Variants in ZNF622 observed in about 807,000 individuals in gnomAD.
ZNF622 encodes cytoplasmic 60S subunit biogenesis factor ZNF622.
Under a neutral mutation model 49.7 loss-of-function variants are expected in ZNF622, and 34 were observed. The ratio of observed to expected loss-of-function variants is 0.68; its 90% CI spans 0.52 to 0.91. The LOEUF (loss-of-function observed/expected upper bound fraction) is 0.91, where lower values mean the gene tolerates loss of function less well. ZNF622 is among the 40% of genes least tolerant of loss of function. The probability of loss-of-function intolerance (pLI) is 0.00; values close to 1 mark genes in which losing one functional copy is unlikely to be tolerated. For missense variants in ZNF622, 569 were observed against 616.4 expected (o/e 0.92, Z 0.81); for synonymous variants, 209 against 228.7 (o/e 0.91, Z 0.78).
rs761889320 is a variant in ZNF622, at chr5:16,463,101, T to C, written c.1049+7A>G. 16 of 1,597,938 alleles carry C rather than the reference T, an allele frequency of 1.0e-5. No individual in the cohort carries two copies. Among genetic ancestry groups the C allele is most frequent in the Middle Eastern group, 1.7e-4 (1 of 5,994 alleles). ...TCACTTTACTTCATATTACAAACTA[T>C]GCTTACCTAAAATCATAGAAGTCTG... On this transcript the variant is annotated splice_region_variant and intron_variant, in intron 3 of 5. Transcript: ENST00000308683. This position sits in a 1 kb window ranked among gnomAD's most constrained non-coding sequence, Gnocchi z 4.2.
chr5:16,458,687 CAT>C, intron 3 of ZNF622, 58 bp from the exon 4 acceptor site: 5 of 1,287,004 alleles, frequency 3.9e-6, no homozygotes, highest in Non-Finnish European at 5.4e-6. Flanking sequence ...AACTAAAAGA[CAT>C]AAACTCATTT....
chr5:16,459,641 T>C (rs1022373962), intron 3 of ZNF622, among the ~76,000 whole-genome samples: 3 of 152,156 alleles, frequency 2.0e-5, no homozygotes, highest in Non-Finnish European at 4.4e-5. Context: ...ACCACTCAAA[T>C]GTGTATCAAC....
rs372353618 is a variant in ZNF622 at position 16,465,671 on chromosome 5, G to A, written c.-6C>T. ...ATGCAGGTGTACGTCGCCATTGCCA[G>A]GCGAGAAATAAGAACCGACCAAGCC... On this transcript the variant is annotated 5_prime_UTR_variant, in exon 1 of 6. Transcript: ENST00000308683. The surrounding 1 kb of genome is among the most constrained non-coding windows in gnomAD (Gnocchi z 6.2). The A allele has an allele frequency of 9.5e-5, 148 of 1,557,090 alleles. 2 individuals carry two copies. In the South Asian group the frequency reaches 1.5e-3, roughly 16 times the overall value.
At chr5:16,457,708 C>A (rs1738054005) in intron 4 of ZNF622, among the ~76,000 whole-genome samples, 1 of 152,140 alleles carries the variant, frequency 6.6e-6, no homozygotes, top group African/African-American at 2.4e-5. Context: ...CTGCCTGCAC[C>A]GTTACTGCAA....
At chr5:16,462,660 A>G (rs1254978908) in intron 3 of ZNF622, among the ~76,000 whole-genome samples, 4 of 152,106 alleles carry the variant, frequency 2.6e-5, no homozygotes, top group Non-Finnish European at 5.9e-5. Flanking sequence ...TCAGAGAAAA[A>G]AAAAGATTCT....
Position 16,451,643 on chromosome 5 carries a change from A to G in ZNF622, c.*14T>C. ...AACTTGGGCAGGAGATGATTGCTCA[A>G]TCCCAGCAGACTCTCAGAATCTCAC... On this transcript the variant is annotated 3_prime_UTR_variant, in exon 6 of 6. Coordinates refer to ENST00000308683, the MANE Select transcript of ZNF622 (RefSeq NM_033414.3). 1 of 1,611,902 alleles carries G rather than the reference A, an allele frequency of 6.2e-7. No individual in the cohort carries two copies.
At chr5:16,458,416 T>C in intron 4 of ZNF622, 101 bp downstream of exon 4, 4 of 821,534 alleles carry the variant, frequency 4.9e-6, no homozygotes, top group South Asian at 3.4e-5. Flanking sequence ...TACTTTAAGC[T>C]TATGGTCTAT....
Position 16,463,587 on chromosome 5 carries a change from A to C in ZNF622, c.781T>G (p.Ser261Ala). 1 of 1,614,192 alleles carries C rather than the reference A, an allele frequency of 6.2e-7. No individual in the cohort carries two copies. Among genetic ancestry groups the C allele is most frequent in the Non-Finnish European group, 8.5e-7 (1 of 1,180,040 alleles). ...GCCACATTCTTCATCAGCGAGCTGG[A>C]ATGATGGGAACAAAATAAGCAGTCC... ...ITDCLFCSHH[S>A]SSLMKNVAHM... The change falls in exon 2 of 6, where the codon TCC becomes GCC. Residue 261 changes from serine to alanine, a missense_variant. Coordinates refer to ENST00000308683, the MANE Select transcript of ZNF622 (RefSeq NM_033414.3). The surrounding 1 kb of genome is among the most constrained non-coding windows in gnomAD (Gnocchi z 4.2).
chr5:16,452,094 G>T (rs943825370), intron 5 of ZNF622, among the ~76,000 whole-genome samples: 2 of 152,090 alleles, frequency 1.3e-5, no homozygotes, highest in African/African-American at 4.8e-5. Flanking sequence ...GCTATATATC[G>T]AGTCAGACAA....
chr5:16,453,363 CAA>C (rs1371106637), intron 4 of ZNF622, among the ~76,000 whole-genome samples: 1 of 151,190 alleles, frequency 6.6e-6, no homozygotes, highest in South Asian at 2.1e-4. Flanking sequence ...AAGCATGCAA[CAA>C]AAAGAAAACC....
chr5:16,460,001 C>CA (rs1390617466), intron 3 of ZNF622, among the ~76,000 whole-genome samples: 1 of 152,144 alleles, frequency 6.6e-6, no homozygotes, highest in Non-Finnish European at 1.5e-5. Flanking sequence ...CAAGTACGGT[C>CA]ATCCCTTGGT....
At position 16,465,719 on chromosome 5, in the gene ZNF622, TG is replaced by T. The variant is rs1483523492; in HGVS notation, c.-55del. On this transcript the variant is annotated 5_prime_UTR_variant, in exon 1 of 6. Coordinates refer to ENST00000308683, the MANE Select transcript of ZNF622 (RefSeq NM_033414.3). This position sits in a 1 kb window ranked among gnomAD's most constrained non-coding sequence, Gnocchi z 6.2. ...GCCAAACACCTGGTGATCAGCGCCG[TG>T]GCCCCACAAGACCCTCAGACCTTAA... The T allele has an allele frequency of 6.6e-7, 1 of 1,520,614 alleles. No homozygotes were observed. Among genetic ancestry groups the T allele is most frequent in the East Asian group, 2.3e-5 (1 of 44,072 alleles). 94.2% of individuals were successfully genotyped at this position (1,520,614 alleles called of 1,614,324 possible). A position where few individuals can be genotyped will look rare whatever the true frequency, so the allele number is the denominator to read the frequency against.
At chr5:16,456,546 A>AGAT (rs1738026415) in intron 4 of ZNF622, among the ~76,000 whole-genome samples, 1 of 152,232 alleles carries the variant, frequency 6.6e-6, no homozygotes, top group Admixed American at 6.5e-5. Flanking sequence ...AATGGACAGA[A>AGAT]GATGAGTTCA....
chr5:16,457,080 T>C (rs1738037555), intron 4 of ZNF622, among the ~76,000 whole-genome samples: 1 of 152,170 alleles, frequency 6.6e-6, no homozygotes, highest in South Asian at 2.1e-4. Flanking sequence ...CTTTATTTTT[T>C]ATAAGTTTCA....
In ZNF622 at chr5:16,465,730, G is replaced by A; in HGVS notation, c.-65C>T. 6.7e-7 allele frequency: 1 copy of A among 1,495,798 alleles called. No homozygotes were observed. The highest frequency in any genetic ancestry group is 8.9e-7 in the Non-Finnish European group (1 of 1,125,026). The allele number at this position is 1,495,798 out of a possible 1,614,324, so 92.7% of individuals were successfully genotyped here. A position where few individuals can be genotyped will look rare whatever the true frequency, so the allele number is the denominator to read the frequency against. On this transcript the variant is annotated 5_prime_UTR_variant, in exon 1 of 6. Transcript: ENST00000308683. This position sits in a 1 kb window ranked among gnomAD's most constrained non-coding sequence, Gnocchi z 6.2. ...GGTGATCAGCGCCGTGGCCCCACAA[G>A]ACCCTCAGACCTTAACCCGCCTCAG...
At chr5:16,454,844 C>T (rs27883) in intron 4 of ZNF622, among the ~76,000 whole-genome samples, 52,039 of 151,998 alleles carry the variant, frequency 0.34, 9,044 homozygotes, top group East Asian at 0.46. Flanking sequence ...CTGGCCCTTT[C>T]TAGGGAAAAT....
intron 1 of ZNF622, among the ~76,000 whole-genome samples, chr5:16,464,255 AC>A (rs1738174111): frequency 6.6e-6 from 1 of 151,114 alleles, no homozygotes. Context: ...TTAGGCAAGC[AC>A]TAATCCTGAA....
rs1161127796 is a variant in ZNF622, at chr5:16,465,223, G to A, written c.443C>T (p.Pro148Leu). ...CCTGGCCTCCTTTGCAGGCGCTGGG[G>A]GCGCCTTCTTGGGAGACATGGACGG... ...AQPSMSPKKA[P>L]PAPAKEARNV... Residue 148 changes from proline to leucine, a missense_variant, in exon 1 of 6, where the codon CCC becomes CTC. By Grantham distance (98) the Pro-to-Leu change is moderately conservative. Transcript: ENST00000308683. The surrounding 1 kb of genome is among the most constrained non-coding windows in gnomAD (Gnocchi z 6.2). 2 of 1,614,184 alleles carry A rather than the reference G, an allele frequency of 1.2e-6. No individual in the cohort carries two copies. The highest frequency in any genetic ancestry group is 1.7e-6 in the Non-Finnish European group (2 of 1,180,026).
At chr5:16,458,750 A>C (rs1460642056) in intron 3 of ZNF622, 121 bp from the exon 4 acceptor site, 1 of 631,394 alleles carries the variant, frequency 1.6e-6, no homozygotes. Context: ...GGGAGGAAGC[A>C]GCTGTAGGAA....
Sources: gnomAD v4.1 joint callset for allele counts (sites outside exome capture counted in the v4.1 genomes callset) on GRCh38, gnomAD v4.1.1 for gene constraint, Gnocchi (gnomAD v3.1) non-coding constraint, MANE v1.5 for transcripts, NCBI Gene and HGNC (gene_info 2026-07-23, HGNC 2026-07-21) for gene names.